CASR: variants seen among roughly 807,000 people sequenced by gnomAD.
The protein encoded by CASR is extracellular calcium-sensing receptor.
A neutral mutation model predicts 69.1 loss-of-function variants in CASR; 23 were observed. The observed-to-expected ratio is 0.33, with a 90% CI of 0.24 to 0.47. The LOEUF (loss-of-function observed/expected upper bound fraction) is 0.47. Among genes scored for constraint, CASR ranks in the 20% least tolerant of loss-of-function variants. CASR has a pLI of 1.00. For missense variants in CASR, 924 were observed against 1,356.1 expected (o/e 0.68, Z 5.00); for synonymous variants, 541 against 544.7 (o/e 0.99, Z 0.10).
chr3:122,231,384 G>C (rs2074276778), intron 1 of CASR, among the ~76,000 whole-genome samples: 1 of 152,212 alleles, frequency 6.6e-6, no homozygotes, highest in Admixed American at 6.5e-5. Flanking sequence ...TGGGAAGAGA[G>C]AGGGGGACAC....
chr3:122,268,631 C>T (rs1167232622), intron 4 of CASR, among the ~76,000 whole-genome samples: 1 of 152,248 alleles, frequency 6.6e-6, no homozygotes, highest in Non-Finnish European at 1.5e-5. Flanking sequence ...TATTAGACAT[C>T]TCTGTCCATC....
At chr3:122,282,331 C>A (rs944294489) in intron 6 of CASR, 95 bp downstream of exon 6, 2 of 1,228,952 alleles carry the variant, frequency 1.6e-6, no homozygotes, top group African/African-American at 3.0e-5. Context: ...TGAGATGGTG[C>A]TTTGCACAGT....
At chr3:122,252,445 G>GA (rs373304569) in intron 1 of CASR, among the ~76,000 whole-genome samples, 1 of 67,780 alleles carries the variant, frequency 1.5e-5, no homozygotes, top group East Asian at 3.3e-4. Flanking sequence ...AAGAAAGAAA[G>GA]AAAAAAAAGA....
At chr3:122,221,463 A>C (rs2074171172) in intron 1 of CASR, among the ~76,000 whole-genome samples, 1 of 152,242 alleles carries the variant, frequency 6.6e-6, no homozygotes, top group Non-Finnish European at 1.5e-5. Context: ...AGAGGTTCAG[A>C]GGAAGTTCTG....
chr3:122,280,508 A>C (rs2074875838), intron 5 of CASR, among the ~76,000 whole-genome samples: 1 of 152,182 alleles, frequency 6.6e-6, no homozygotes, highest in Admixed American at 6.5e-5. Context: ...TGGGTTGGCA[A>C]CTCAAGGACT....
chr3:122,211,360 A>C lies in CASR; in HGVS notation c.-243+27548A>C, dbSNP rs180796168. Among the ~76,000 whole-genome samples the C allele has an allele frequency of 9.1e-3, 1,387 of 152,364 alleles. 23 individuals are homozygous for C. The highest frequency in any genetic ancestry group is 8.3e-3 in the Non-Finnish European group (563 of 68,044). Reference sequence around the variant, plus strand: ...TCCATCTGACAAAGGCCTGATATCCAGAATCTACAAGGAACTTAAACAAAT... The same window carrying C: ...TCCATCTGACAAAGGCCTGATATCCCGAATCTACAAGGAACTTAAACAAAT... On this transcript the variant is annotated intron_variant, in intron 1 of 6. Transcript: ENST00000639785.
intron 1 of CASR, among the ~76,000 whole-genome samples, chr3:122,184,823 C>T (rs1216711737): frequency 1.3e-5 from 2 of 152,232 alleles, no homozygotes; most frequent in Non-Finnish European, 2.9e-5. Context: ...TTTCTTGTGC[C>T]TCTGCCTTGT....
At chr3:122,261,483 T>C (rs1446999179) in intron 3 of CASR, 45 bp from the exon 4 acceptor site, 2 of 1,563,712 alleles carry the variant, frequency 1.3e-6, no homozygotes, top group Non-Finnish European at 1.8e-6. Flanking sequence ...CAGCACCTCT[T>C]CACTCACTCA....
chr3:122,205,663 G>T (rs1040540957), intron 1 of CASR, among the ~76,000 whole-genome samples: 1 of 151,946 alleles, frequency 6.6e-6, no homozygotes, highest in South Asian at 2.1e-4. Flanking sequence ...GGGTACTATT[G>T]TCACTTTAAC....
rs994889058 is a variant in CASR, at chr3:122,289,269, G to A, written c.*4078G>A. The A allele has an allele frequency of 7.9e-5, 12 of 152,196 alleles. No homozygotes were observed. The East Asian group carries it at 2.3e-3, about 29-fold the overall frequency. The allele number at this position is 152,196 out of a possible 1,614,324, so 9.4% of individuals were successfully genotyped here. On this transcript the variant is annotated 3_prime_UTR_variant, in exon 7 of 7. Transcript: ENST00000639785. ...TGAGTGGTCATTTTAGGAGTCCACT[G>A]GAGACAAGAATACTCCCAAAGGTGG...
At chr3:122,210,769 C>T (rs2074057247) in intron 1 of CASR, among the ~76,000 whole-genome samples, 2 of 151,970 alleles carry the variant, frequency 1.3e-5, no homozygotes, top group African/African-American at 4.8e-5. Context: ...AAAAAGAGCC[C>T]ATATAGCCAA....
rs976868451 is a variant in CASR at position 122,286,173 on chromosome 3, C to T, written c.*982C>T. On this transcript the variant is annotated 3_prime_UTR_variant, in exon 7 of 7. Coordinates refer to ENST00000639785, the MANE Select transcript of CASR (RefSeq NM_000388.4). ...GCTAATAGCTGCTAGGGTAGGAAAG[C>T]GTGGTTCCAAGAAAGATCCACCCTC... The T allele has an allele frequency of 6.6e-6, 1 of 152,326 alleles. No homozygotes were observed. The highest frequency in any genetic ancestry group is 1.5e-5 in the Non-Finnish European group (1 of 68,048). The allele number at this position is 152,326 out of a possible 1,614,324, so 9.4% of individuals were successfully genotyped here. A position where few individuals can be genotyped will look rare whatever the true frequency, so the allele number is the denominator to read the frequency against.
chr3:122,244,382 G>A (rs755611442), intron 1 of CASR, among the ~76,000 whole-genome samples: 21 of 151,844 alleles, frequency 1.4e-4, no homozygotes, highest in Admixed American at 3.3e-4. Flanking sequence ...ACCCCAAAGC[G>A]TTCATTAGCA....
chr3:122,202,617 T>G (rs182808997), intron 1 of CASR, among the ~76,000 whole-genome samples: 411 of 152,360 alleles, frequency 2.7e-3, no homozygotes, highest in African/African-American at 9.3e-3. Flanking sequence ...ATCTTCCAAT[T>G]TGTGGCTTAT....
chr3:122,283,854 T>G lies in CASR; in HGVS notation c.1900T>G (p.Phe634Val), dbSNP rs1182680081. The G allele has an allele frequency of 6.2e-7, 1 of 1,614,004 alleles. No homozygotes were observed. Among genetic ancestry groups the G allele is most frequent in the Non-Finnish European group, 8.5e-7 (1 of 1,180,006 alleles). ...CCTGACAGCCTTTGTGCTGGGTGTG[T>G]TTATCAAGTTCCGCAACACACCCAT... ...IFLTAFVLGV[F>V]IKFRNTPIVK... is the part of the protein sequence containing the mutation. Residue 634 changes from phenylalanine (F) to valine (V), a missense_variant, in exon 7 of 7, where the codon TTT becomes GTT. By Grantham distance (50) the Phe-to-Val change is conservative (BLOSUM62 -1). Around this residue, in one of 8 missense-constraint regions of CASR, gnomAD observed 184 missense variants for 278.8 expected, o/e 0.66. Transcript: ENST00000639785.
At chr3:122,260,749 G>A (rs2074611213) in intron 3 of CASR, among the ~76,000 whole-genome samples, 1 of 152,104 alleles carries the variant, frequency 6.6e-6, no homozygotes, top group Non-Finnish European at 1.5e-5. Context: ...GGGATGGAGA[G>A]GAAGGGAGGT....
intron 1 of CASR, chr3:122,245,416 C>A (rs2074418040): frequency 6.6e-6 from 1 of 152,088 alleles, no homozygotes; most frequent in Non-Finnish European, 1.5e-5. Flanking sequence ...AGAATTCCAT[C>A]AATGAGATCT....
intron 5 of CASR, among the ~76,000 whole-genome samples, chr3:122,278,209 G>T (rs1166610805): frequency 6.8e-6 from 1 of 147,640 alleles, no homozygotes; most frequent in Non-Finnish European, 1.5e-5. Context: ...TATTAATATG[G>T]CATTATACTT....
At chr3:122,222,965 G>T (rs1380491479) in intron 1 of CASR, among the ~76,000 whole-genome samples, 2 of 152,264 alleles carry the variant, frequency 1.3e-5, no homozygotes, top group East Asian at 3.9e-4. Flanking sequence ...GCTCCTGAAT[G>T]ACTTTTGAGT....
Sources: allele counts gnomAD v4.1 joint callset (sites outside exome capture counted in the v4.1 genomes callset), GRCh38; gene constraint gnomAD v4.1.1; regional missense constraint gnomAD v4.1.1; transcripts MANE v1.5; gene names NCBI Gene and HGNC (gene_info 2026-07-23, HGNC 2026-07-21).